PLXNA2: variants seen among roughly 807,000 people sequenced by gnomAD.
PLXNA2 encodes plexin A2.
A neutral mutation model predicts 193.5 loss-of-function variants in PLXNA2; 91 were observed. The observed-to-expected ratio is 0.47, with a 90% CI of 0.40 to 0.56. The LOEUF is 0.56. PLXNA2 is among the 20% of genes least tolerant of loss of function. PLXNA2 has a pLI of 0.00. For synonymous variants in PLXNA2, 997 were observed against 1,027.3 expected, an observed-to-expected ratio of 0.97 and a Z score of 0.56; for missense variants, 1,995 against 2,503.2, an observed-to-expected ratio of 0.80 and a Z score of 4.33.
chr1:208,101,340 C>T (rs549366701), intron 5 of PLXNA2, among the ~76,000 whole-genome samples: 15 of 152,316 alleles, frequency 9.8e-5, no homozygotes, highest in East Asian at 1.9e-4. Flanking sequence ...CATCTCCTCA[C>T]GCCTGATACC....
intron 4 of PLXNA2, among the ~76,000 whole-genome samples, chr1:208,135,651 C>T (rs540754990): frequency 6.6e-6 from 1 of 152,304 alleles, no homozygotes; most frequent in East Asian, 1.9e-4. Context: ...TTTGATGACT[C>T]CAGCTGGGCG....
chr1:208,061,442 G>A (rs1394636556), intron 12 of PLXNA2, among the ~76,000 whole-genome samples: 2 of 152,152 alleles, frequency 1.3e-5, no homozygotes, highest in African/African-American at 4.8e-5. Flanking sequence ...CCACTGATTT[G>A]GGGTATACAC....
intron 1 of PLXNA2, among the ~76,000 whole-genome samples, chr1:208,243,280 G>C (rs1198174177): frequency 6.6e-6 from 1 of 152,156 alleles, no homozygotes; most frequent in African/African-American, 2.4e-5. Flanking sequence ...CAGCTCTCAG[G>C]ACAGCCTTGC....
intron 3 of PLXNA2, among the ~76,000 whole-genome samples, chr1:208,193,670 G>C (rs959055828): frequency 1.3e-5 from 2 of 152,172 alleles, no homozygotes; most frequent in African/African-American, 4.8e-5. Context: ...TCAGGCCTTG[G>C]AACCAGGGAG....
intron 4 of PLXNA2, among the ~76,000 whole-genome samples, chr1:208,131,163 G>A (rs1325821161): frequency 1.3e-5 from 2 of 152,122 alleles, no homozygotes; most frequent in Admixed American, 6.5e-5. Context: ...TCCCGGCCAC[G>A]CACCCCAGGA....
chr1:208,204,094 G>A (rs533173510), intron 3 of PLXNA2, among the ~76,000 whole-genome samples: 4 of 152,322 alleles, frequency 2.6e-5, no homozygotes, highest in Admixed American at 1.3e-4. Context: ...TTAGGGAAAG[G>A]CAGAAAGAAT....
chr1:208,092,670 C>T (rs889086344), intron 9 of PLXNA2, 116 bp downstream of exon 9: 16 of 621,416 alleles, frequency 2.6e-5, no homozygotes, highest in Middle Eastern at 3.2e-4. Context: ...TCTGGCAAGA[C>T]GGCCAAGATG....
intron 12 of PLXNA2, 116 bp downstream of exon 12, chr1:208,079,144 T>C (rs2274445): frequency 0.51 from 442,037 of 874,444 alleles, 114,671 homozygotes; most frequent in Non-Finnish European, 0.54. Context: ...CCCCCCACAT[T>C]AAACTCACTG....
intron 11 of PLXNA2, among the ~76,000 whole-genome samples, chr1:208,079,800 T>C (rs2102382561): frequency 2.4e-5 from 1 of 42,134 alleles, no homozygotes; most frequent in East Asian, 4.2e-4. Flanking sequence ...TTTTTTTTTG[T>C]GAGGTTGGAA....
rs763538300 is a variant in PLXNA2, at chr1:208,039,601, G to A, written c.4500+20C>T. The A allele has an allele frequency of 1.6e-5, 26 of 1,612,594 alleles. No individual in the cohort carries two copies. The highest frequency in any genetic ancestry group is 1.4e-4 in the South Asian group (13 of 91,016). ...AAGTAGAAGATACACAGGCGGGCCC[G>A]GAGCTTCCGGCTTCCTCACCAGGGT... On this transcript the variant is annotated intron_variant, in intron 24 of 31. Coordinates refer to ENST00000367033, the MANE Select transcript of PLXNA2 (RefSeq NM_025179.4).
At chr1:208,086,404 C>T (rs1666520809) in intron 9 of PLXNA2, among the ~76,000 whole-genome samples, 1 of 152,006 alleles carries the variant, frequency 6.6e-6, no homozygotes, top group African/African-American at 2.4e-5. Flanking sequence ...ATTTGGTTCT[C>T]AAAAGCTGGA....
At chr1:208,232,887 C>T (rs952003739) in intron 1 of PLXNA2, among the ~76,000 whole-genome samples, 1 of 152,226 alleles carries the variant, frequency 6.6e-6, no homozygotes, top group Admixed American at 6.5e-5. Flanking sequence ...ATAACACAGC[C>T]TTTTCCTCCA....
At chr1:208,031,927 G>A in intron 28 of PLXNA2, 168 bp from the exon 29 acceptor site, 1 of 933,858 alleles carries the variant, frequency 1.1e-6, no homozygotes, top group Non-Finnish European at 1.3e-6. Flanking sequence ...TAGCTGGGGA[G>A]GTGGGAGAAA....
At chr1:208,100,589 T>C (rs1349920187) in intron 5 of PLXNA2, among the ~76,000 whole-genome samples, 1 of 152,198 alleles carries the variant, frequency 6.6e-6, no homozygotes, top group Non-Finnish European at 1.5e-5. Context: ...AGTGTGCATA[T>C]GATCTTGTGG....
chr1:208,093,046 G>T (rs1310496570), intron 8 of PLXNA2, 146 bp from the exon 9 acceptor site: 10 of 548,264 alleles, frequency 1.8e-5, no homozygotes, highest in Middle Eastern at 3.1e-4. Flanking sequence ...CTAGCACCAA[G>T]AATTGTGGAT....
chr1:208,155,082 C>A (rs1356479078), intron 3 of PLXNA2, among the ~76,000 whole-genome samples: 1 of 152,154 alleles, frequency 6.6e-6, no homozygotes, highest in Non-Finnish European at 1.5e-5. Flanking sequence ...GGGAGCAGGA[C>A]TGCGGGGAGG....
intron 12 of PLXNA2, among the ~76,000 whole-genome samples, chr1:208,065,116 G>T (rs935579199): frequency 2.6e-5 from 4 of 152,286 alleles, no homozygotes; most frequent in South Asian, 4.1e-4. Flanking sequence ...GGGGAGGGGA[G>T]AGCTTGTCTC....
chr1:208,124,177 T>G (rs1379881702), intron 4 of PLXNA2, among the ~76,000 whole-genome samples: 1 of 151,922 alleles, frequency 6.6e-6, no homozygotes, highest in Non-Finnish European at 1.5e-5. Context: ...AGGGAACTCA[T>G]GAACACAAAG....
intron 3 of PLXNA2, among the ~76,000 whole-genome samples, chr1:208,181,970 C>T (rs74153097): frequency 0.028 from 4,327 of 152,260 alleles, 207 homozygotes; most frequent in African/African-American, 0.097. Flanking sequence ...CAACTCCTCC[C>T]TGCTCTAGCT....
Sources: gnomAD v4.1 joint callset for allele counts (sites outside exome capture counted in the v4.1 genomes callset) on GRCh38, gnomAD v4.1.1 for gene constraint, MANE v1.5 for transcripts, NCBI Gene and HGNC (gene_info 2026-07-23, HGNC 2026-07-21) for gene names.